Variants in PPP1R21 observed in about 807,000 individuals in gnomAD.
The protein encoded by PPP1R21 is protein phosphatase 1 regulatory subunit 21.
PPP1R21 carries 85 observed loss-of-function variants against 112.8 expected under a neutral mutation model. The observed-to-expected ratio is 0.75, with a 90% CI of 0.63 to 0.90. The LOEUF (loss-of-function observed/expected upper bound fraction) is 0.90. Ranked by LOEUF, PPP1R21 falls within the 40% of genes least tolerant of loss-of-function variation. The probability of loss-of-function intolerance (pLI) is 0.00; values close to 1 mark genes in which losing one functional copy is unlikely to be tolerated. For missense variants in PPP1R21, 1,199 were observed against 901.5 expected (o/e 1.33, Z -4.23); for synonymous variants, 381 against 322.3 (o/e 1.18, Z -1.95).
rs553553027 is a variant in PPP1R21, at chr2:48,481,489, C to T, written c.1318+1473C>T. ...TTGGTTTGAGGAGCTAAGACTTAGT[C>T]GTAGTCCTCTCTTCCAGAACTTTAC... On this transcript the variant is annotated intron_variant, in intron 13 of 21. Transcript: ENST00000294952. 7.2e-5 allele frequency among the ~76,000 whole-genome samples: 11 copies of T among 152,198 alleles called. No individual in the cohort carries two copies. The South Asian group carries it at 1.2e-3, about 17-fold the overall frequency.
At chr2:48,484,004 A>G (rs938171990) in intron 13 of PPP1R21, among the ~76,000 whole-genome samples, 86 of 152,254 alleles carry the variant, frequency 5.6e-4, no homozygotes, top group African/African-American at 1.9e-3. Context: ...ATTACTCTTT[A>G]TATAGGAATA....
rs140969779 is a variant in PPP1R21 at position 48,460,994 on chromosome 2, T to C, written c.600-144T>C. Reference sequence around the variant, plus strand: ...GGTTAGCGTTTTTGTTATCTTCCTCTTTTAACAACTCTCTGCCAAGAGTAT... The same window carrying C: ...GGTTAGCGTTTTTGTTATCTTCCTCCTTTAACAACTCTCTGCCAAGAGTAT... On this transcript the variant is annotated intron_variant, in intron 6 of 21. Transcript: ENST00000294952. 681 of 1,355,162 alleles carry C rather than the reference T, an allele frequency of 5.0e-4. 2 individuals carry two copies. Among genetic ancestry groups the C allele is most frequent in the Non-Finnish European group, 5.5e-4 (579 of 1,044,608 alleles). 83.9% of individuals were successfully genotyped at this position (1,355,162 alleles called of 1,614,324 possible).
At position 48,459,860 on chromosome 2, in the gene PPP1R21, T is replaced by A. The variant is rs1453952295; in HGVS notation, c.482T>A (p.Leu161His). 1 of 1,614,106 alleles carries A rather than the reference T, an allele frequency of 6.2e-7. No homozygotes were observed. The highest frequency in any genetic ancestry group is 8.5e-7 in the Non-Finnish European group (1 of 1,180,054). ...CAGCACCAAGCTGTGGTTGACGGTC[T>A]CACCCGGAAGTACATGGAAACCATT... ...AAQHQAVVDG[L>H]TRKYMETIEK... Residue 161 changes from leucine to histidine, a missense_variant, in exon 5 of 22, where the codon CTC becomes CAC. Leu to His is a moderately conservative substitution (Grantham distance 99). Transcript: ENST00000294952.
At chr2:48,486,027 T>C (rs1467032145) in intron 13 of PPP1R21, among the ~76,000 whole-genome samples, 1 of 150,086 alleles carries the variant, frequency 6.7e-6, no homozygotes, top group African/African-American at 2.4e-5. Flanking sequence ...TGTGTATATA[T>C]GTATACCTCT....
At chr2:48,471,968 A>T (rs1385867020) in intron 11 of PPP1R21, among the ~76,000 whole-genome samples, 1 of 152,116 alleles carries the variant, frequency 6.6e-6, no homozygotes, top group Non-Finnish European at 1.5e-5. Context: ...GGCCGGGCGC[A>T]GTGGCTCACG....
chr2:48,480,143 T>C, intron 13 of PPP1R21, 127 bp downstream of exon 13: 1 of 703,710 alleles, frequency 1.4e-6, no homozygotes. Flanking sequence ...GCATTTGGCT[T>C]ATGTTGAGTG....
At chr2:48,442,223 G>A (rs1667060766) in intron 1 of PPP1R21, among the ~76,000 whole-genome samples, 1 of 152,212 alleles carries the variant, frequency 6.6e-6, no homozygotes, top group Non-Finnish European at 1.5e-5. Context: ...GGAGGTGGGT[G>A]GAGGTTGGCA....
intron 17 of PPP1R21, among the ~76,000 whole-genome samples, chr2:48,499,493 T>C (rs1159543942): frequency 6.6e-6 from 1 of 152,142 alleles, no homozygotes; most frequent in Non-Finnish European, 1.5e-5. Context: ...GAAGCTGAGG[T>C]GGGTGAATCA....
In PPP1R21 at chr2:48,440,868, C is replaced by G. The variant is rs1666986953; in HGVS notation, c.-86C>G. The G allele has an allele frequency of 4.1e-6, 4 of 980,760 alleles. No individual in the cohort carries two copies. Among genetic ancestry groups the G allele is most frequent in the Middle Eastern group, 3.0e-4 (1 of 3,316 alleles). 60.8% of individuals were successfully genotyped at this position (980,760 alleles called of 1,614,324 possible). ...GCCAAGCAGGCAGATACTGCCTGAC[C>G]CGTTCCCGGGAGCGTGTCTGGGTTT... On this transcript the variant is annotated 5_prime_UTR_variant, in exon 1 of 22. Coordinates refer to ENST00000294952, the MANE Select transcript of PPP1R21 (RefSeq NM_001135629.3).
intron 19 of PPP1R21, among the ~76,000 whole-genome samples, chr2:48,508,133 A>C (rs961628784): frequency 2.0e-5 from 3 of 152,066 alleles, no homozygotes; most frequent in African/African-American, 7.2e-5. Flanking sequence ...AATTATACAC[A>C]ATTCATAGAA....
intron 21 of PPP1R21, among the ~76,000 whole-genome samples, chr2:48,514,235 G>A (rs1670769054): frequency 6.6e-6 from 1 of 151,752 alleles, no homozygotes; most frequent in Non-Finnish European, 1.5e-5. Context: ...ACAGGCACCC[G>A]CCACCATGCC....
At chr2:48,465,141 T>C (rs1375617288) in intron 8 of PPP1R21, 152 bp downstream of exon 8, 6 of 686,596 alleles carry the variant, frequency 8.7e-6, no homozygotes, top group Non-Finnish European at 1.4e-5. Flanking sequence ...TATTCAAATG[T>C]AGCTTGCTTT....
chr2:48,458,778 CA>C (rs1370643776), intron 4 of PPP1R21, among the ~76,000 whole-genome samples: 1 of 152,048 alleles, frequency 6.6e-6, no homozygotes, highest in Non-Finnish European at 1.5e-5. Flanking sequence ...TGCCTGCCCC[CA>C]AACCACTGAG....
intron 14 of PPP1R21, among the ~76,000 whole-genome samples, chr2:48,489,434 G>A (rs1669456159): frequency 6.6e-6 from 1 of 152,000 alleles, no homozygotes; most frequent in South Asian, 2.1e-4. Context: ...CCAGGAGGTT[G>A]AGGCTGCAGT....
chr2:48,505,630 T>C (rs1161839824), intron 18 of PPP1R21, 34 bp downstream of exon 18: 2 of 1,513,160 alleles, frequency 1.3e-6, no homozygotes, highest in East Asian at 4.9e-5. Flanking sequence ...TGTTTGTTAG[T>C]AAATATCTGG....
intron 14 of PPP1R21, 45 bp from the exon 15 acceptor site, chr2:48,490,973 T>C (rs372739253): frequency 3.2e-6 from 5 of 1,547,128 alleles, no homozygotes; most frequent in East Asian, 2.2e-5. Context: ...ATTTTAGATA[T>C]ATTGTTGGAA....
intron 1 of PPP1R21, among the ~76,000 whole-genome samples, chr2:48,443,682 G>T (rs76102933): frequency 0.019 from 2,904 of 152,282 alleles, 79 homozygotes; most frequent in African/African-American, 0.064. Context: ...AACAGATCCT[G>T]ATCAAAAGAT....
rs920076136 is a variant in PPP1R21 at position 48,505,891 on chromosome 2, A to C, written c.1968+295A>C. Among the ~76,000 whole-genome samples, 4 of 152,184 alleles carry C rather than the reference A, an allele frequency of 2.6e-5. No individual in the cohort carries two copies. In the East Asian group the frequency reaches 7.7e-4, roughly 29 times the overall value. ...CCTGCTTGGGCCTTCATTTGCTGGC[A>C]TACTACATGAGGCTGAGAGCCGTGT... On this transcript the variant is annotated intron_variant, in intron 18 of 21. Coordinates refer to ENST00000294952, the MANE Select transcript of PPP1R21 (RefSeq NM_001135629.3).
intron 17 of PPP1R21, among the ~76,000 whole-genome samples, chr2:48,502,676 CTTTTT>C (rs762811938): frequency 3.2e-5 from 3 of 94,042 alleles, no homozygotes; most frequent in East Asian, 6.7e-4. Context: ...AGAAACTTTT[CTTTTT>C]TTTTTTTTTT....
Sources: allele counts gnomAD v4.1 joint callset (sites outside exome capture counted in the v4.1 genomes callset), GRCh38; gene constraint gnomAD v4.1.1; transcripts MANE v1.5; gene names NCBI Gene and HGNC (gene_info 2026-07-23, HGNC 2026-07-21).